Variants in PDE6D observed in about 807,000 individuals in gnomAD.
PDE6D encodes phosphodiesterase 6D.
In PDE6D, 10 loss-of-function variants were observed where a neutral mutation model predicts 21.9. The observed-to-expected ratio is 0.46, with a 90% CI of 0.28 to 0.78. The LOEUF (loss-of-function observed/expected upper bound fraction) is 0.78, where lower values mean the gene tolerates loss of function less well. Ranked by LOEUF, PDE6D falls within the 30% of genes least tolerant of loss-of-function variation. The probability of loss-of-function intolerance (pLI) is 0.12; values close to 1 mark genes in which losing one functional copy is unlikely to be tolerated. For synonymous variants in PDE6D, 59 were observed against 63.5 expected (o/e 0.93, Z 0.34); for missense variants, 139 against 184.8 (o/e 0.75, Z 1.44).
chr2:231,757,379 C>G (rs1574627704), intron 1 of PDE6D, among the ~76,000 whole-genome samples: 1 of 152,262 alleles, frequency 6.6e-6, no homozygotes, highest in African/African-American at 2.4e-5. Context: ...CTCACTGCAA[C>G]CTCCGCCTCC....
Position 231,737,387 on chromosome 2 carries a change from CT to C in PDE6D, c.266-96del, listed in dbSNP as rs1400507485. The C allele has an allele frequency of 6.4e-6, 4 of 629,740 alleles. No individual in the cohort carries two copies. The African/African-American group carries it at 7.4e-5, about 12-fold the overall frequency. The allele number at this position is 629,740 out of a possible 1,614,324, so 39.0% of individuals were successfully genotyped here. ...TCTCTAGAGTGAGCCTCTTCCTACC[CT>C]GAGAACCACCAAAGGAAGCTATCAG... On this transcript the variant is annotated intron_variant, in intron 3 of 4. Coordinates refer to ENST00000287600, the MANE Select transcript of PDE6D (RefSeq NM_002601.4).
chr2:231,740,370 GA>G (rs2048737121), intron 1 of PDE6D, among the ~76,000 whole-genome samples: 1 of 152,066 alleles, frequency 6.6e-6, no homozygotes, highest in South Asian at 2.1e-4. Context: ...CTTTCAGAAC[GA>G]AAAAGGCAAG....
At chr2:231,744,512 C>CA (rs2106266012) in intron 1 of PDE6D, among the ~76,000 whole-genome samples, 1 of 151,622 alleles carries the variant, frequency 6.6e-6, no homozygotes, top group South Asian at 2.1e-4. Flanking sequence ...CGGCTCACCA[C>CA]AACCTCCGCC....
Position 231,734,229 on chromosome 2 carries a change from A to T in PDE6D, c.372-1196T>A, listed in dbSNP as rs550195971. 1.4e-4 allele frequency among the ~76,000 whole-genome samples: 21 copies of T among 152,158 alleles called. No homozygotes were observed. The South Asian group carries it at 4.0e-3, about 29-fold the overall frequency. ...ACTCTGTCTCAAAAAAAATAAAAAA[A>T]AATAAAAAATAAAAAGTTAAGTATA... On this transcript the variant is annotated intron_variant, in intron 4 of 4. Transcript: ENST00000287600.
At chr2:231,742,280 C>A (rs2048755781) in intron 1 of PDE6D, among the ~76,000 whole-genome samples, 1 of 152,098 alleles carries the variant, frequency 6.6e-6, no homozygotes, top group Non-Finnish European at 1.5e-5. Context: ...CACCACCATG[C>A]CCGGCTAATT....
At chr2:231,773,141 G>T (rs778155721) in intron 1 of PDE6D, among the ~76,000 whole-genome samples, 24 of 152,080 alleles carry the variant, frequency 1.6e-4, no homozygotes, top group South Asian at 4.1e-4. Flanking sequence ...ACTCAGGAGG[G>T]TGAGGCAGAG....
chr2:231,760,512 T>G (rs2048917230), intron 1 of PDE6D, among the ~76,000 whole-genome samples: 3 of 152,188 alleles, frequency 2.0e-5, no homozygotes, highest in African/African-American at 7.2e-5. Flanking sequence ...CAAAGCCAGT[T>G]AAGTGGTCAA....
intron 1 of PDE6D, chr2:231,778,741 C>T (rs2049076737): frequency 6.6e-6 from 1 of 152,200 alleles, no homozygotes; most frequent in Non-Finnish European, 1.5e-5. Flanking sequence ...GAGACATAGT[C>T]CAGTATAGCT....
rs760777952 is a variant in PDE6D, at chr2:231,732,815, G to A, written c.*137C>T. 15 of 660,752 alleles carry A rather than the reference G, an allele frequency of 2.3e-5. No homozygotes were observed. The highest frequency in any genetic ancestry group is 5.3e-5 in the South Asian group (3 of 56,500). 40.9% of individuals were successfully genotyped at this position (660,752 alleles called of 1,614,324 possible). On this transcript the variant is annotated 3_prime_UTR_variant, in exon 5 of 5. Transcript: ENST00000287600. ...TTACCTACACAGAGCTGGTCCCCTGGTGGCTGCAGGTAGGTTCTGCTGTTG... is the reference window on the plus strand; with the variant it reads ...TTACCTACACAGAGCTGGTCCCCTGATGGCTGCAGGTAGGTTCTGCTGTTG...
At chr2:231,743,148 G>A (rs1336111985) in intron 1 of PDE6D, among the ~76,000 whole-genome samples, 1 of 152,128 alleles carries the variant, frequency 6.6e-6, no homozygotes, top group East Asian at 1.9e-4. Flanking sequence ...AGTCTCGGCT[G>A]GGCGTCGTGG....
At chr2:231,736,557 T>C (rs2048704170) in intron 4 of PDE6D, among the ~76,000 whole-genome samples, 1 of 152,226 alleles carries the variant, frequency 6.6e-6, no homozygotes. Context: ...TAGGAAGTTA[T>C]TGACAGTGTT....
intron 1 of PDE6D, among the ~76,000 whole-genome samples, chr2:231,759,223 G>A (rs2048907037): frequency 6.6e-6 from 1 of 152,086 alleles, no homozygotes; most frequent in South Asian, 2.1e-4. Flanking sequence ...AAACCGAGGT[G>A]GGAGGATTGC....
intron 4 of PDE6D, among the ~76,000 whole-genome samples, chr2:231,735,985 G>A (rs1034498960): frequency 3.3e-5 from 5 of 149,638 alleles, no homozygotes; most frequent in Non-Finnish European, 5.9e-5. Flanking sequence ...CTGAGATCAC[G>A]CCACTGCACT....
chr2:231,755,495 G>A (rs1353291116), intron 1 of PDE6D, among the ~76,000 whole-genome samples: 2 of 152,220 alleles, frequency 1.3e-5, no homozygotes, highest in African/African-American at 2.4e-5. Flanking sequence ...GGAGGCAGAG[G>A]TGGGCGGGAT....
intron 1 of PDE6D, 68 bp downstream of exon 1, chr2:231,780,997 G>A: frequency 7.2e-7 from 1 of 1,387,284 alleles, no homozygotes; most frequent in South Asian, 1.2e-5. Flanking sequence ...CCCCGCCCCC[G>A]GCCAGTCTCC....
intron 1 of PDE6D, among the ~76,000 whole-genome samples, chr2:231,768,275 A>G (rs911234926): frequency 6.6e-6 from 1 of 152,066 alleles, no homozygotes; most frequent in African/African-American, 2.4e-5. Flanking sequence ...ATCCTTCCTC[A>G]TTCCTGACTC....
At chr2:231,750,156 T>C (rs934838184) in intron 1 of PDE6D, among the ~76,000 whole-genome samples, 2 of 152,178 alleles carry the variant, frequency 1.3e-5, no homozygotes, top group African/African-American at 2.4e-5. Context: ...TTCTTCCTCA[T>C]TTTCTCTTGC....
At chr2:231,771,647 A>G (rs1029012028) in intron 1 of PDE6D, among the ~76,000 whole-genome samples, 1 of 152,214 alleles carries the variant, frequency 6.6e-6, no homozygotes, top group Non-Finnish European at 1.5e-5. Context: ...TTCAGAGGCA[A>G]TAATTGCTCT....
chr2:231,780,998 G>A, intron 1 of PDE6D, 67 bp downstream of exon 1: 1 of 1,404,238 alleles, frequency 7.1e-7, no homozygotes, highest in Non-Finnish European at 1.0e-6. Context: ...CCCGCCCCCG[G>A]CCAGTCTCCT....
Sources: gnomAD v4.1 joint callset for allele counts (sites outside exome capture counted in the v4.1 genomes callset) on GRCh38, gnomAD v4.1.1 for gene constraint, MANE v1.5 for transcripts, NCBI Gene and HGNC (gene_info 2026-07-23, HGNC 2026-07-21) for gene names.